EMP2: variants seen among roughly 807,000 people sequenced by gnomAD.
EMP2 encodes epithelial membrane protein 2.
A neutral mutation model predicts 13.7 loss-of-function variants in EMP2; 19 were observed. The ratio of observed to expected loss-of-function variants is 1.38; its 90% confidence interval spans 0.97 to 2.03. The LOEUF (loss-of-function observed/expected upper bound fraction) is 2.03. EMP2 is among the 30% of genes most tolerant of loss of function. The pLI, the probability that EMP2 is intolerant of heterozygous loss-of-function variation, is 0.00. For missense variants in EMP2, 253 were observed against 220.7 expected (o/e 1.15, Z -0.93); for synonymous variants, 97 against 84.7 (o/e 1.15, Z -0.80).
chr16:10,567,040 A>C (rs2050911105), intron 1 of EMP2, among the ~76,000 whole-genome samples: 1 of 152,210 alleles, frequency 6.6e-6, no homozygotes, highest in Non-Finnish European at 1.5e-5. Flanking sequence ...CTCCTAAGTC[A>C]GCAGAGAAGC....
intron 1 of EMP2, among the ~76,000 whole-genome samples, chr16:10,574,469 T>G (rs748184685): frequency 1.2e-4 from 19 of 152,014 alleles, no homozygotes; most frequent in Admixed American, 9.8e-4. Flanking sequence ...TCTCCCTCCC[T>G]TCATACACTC....
At chr16:10,577,844 C>G (rs1376653941) in intron 1 of EMP2, among the ~76,000 whole-genome samples, 1 of 152,020 alleles carries the variant, frequency 6.6e-6, no homozygotes, top group Admixed American at 6.6e-5. Flanking sequence ...CTCTGGAACT[C>G]CCGTGGCTGG....
chr16:10,544,846 C>T lies in EMP2; in HGVS notation c.79-1186G>A, dbSNP rs148470717. Reference sequence around the variant, plus strand: ...GCTGCAGTGAGCCATGATCGCAACACTACACTCCAGCCTGGGTGACAGAGA... The same window carrying T: ...GCTGCAGTGAGCCATGATCGCAACATTACACTCCAGCCTGGGTGACAGAGA... On this transcript the variant is annotated intron_variant, in intron 2 of 4. Coordinates refer to ENST00000359543, the MANE Select transcript of EMP2 (RefSeq NM_001424.6). 797 of 152,364 alleles carry T rather than the reference C, an allele frequency of 5.2e-3. 7 individuals are homozygous for T. The highest frequency in any genetic ancestry group is 0.017 in the African/African-American group (724 of 41,526). The allele number at this position is 152,364 out of a possible 1,614,324, so 9.4% of individuals were successfully genotyped here.
At chr16:10,545,622 G>T in intron 2 of EMP2, 1 of 160,106 alleles carries the variant, frequency 6.2e-6, no homozygotes, top group Admixed American at 6.5e-5. Flanking sequence ...ACCCCCAGAT[G>T]GGACCGTCTA....
Position 10,532,970 on chromosome 16 carries a change from A to G in EMP2, c.439T>C (p.Trp147Arg). 1 of 1,610,512 alleles carries G rather than the reference A, an allele frequency of 6.2e-7. No homozygotes were observed. Among genetic ancestry groups the G allele is most frequent in the Admixed American group, 1.7e-5 (1 of 59,594 alleles). ...ATGAAGGTGCAGGCGAAGGCCACCC[A>G]CGCCAGGATGTAGGAGTAGCCGTAG... ...GSYGYSYILA[W>R]VAFACTFISG... Residue 147 changes from tryptophan (W) to arginine (R), a missense_variant, in exon 5 of 5, where the codon TGG (tryptophan) becomes CGG (arginine). Coordinates refer to ENST00000359543, the MANE Select transcript of EMP2 (RefSeq NM_001424.6).
At chr16:10,557,231 C>G (rs750158160) in intron 1 of EMP2, among the ~76,000 whole-genome samples, 1 of 151,888 alleles carries the variant, frequency 6.6e-6, no homozygotes, top group Non-Finnish European at 1.5e-5. Context: ...GTGGCAGATG[C>G]CTATCGTCCC....
At chr16:10,572,526 G>T (rs977323804) in intron 1 of EMP2, among the ~76,000 whole-genome samples, 2 of 152,028 alleles carry the variant, frequency 1.3e-5, no homozygotes, top group Admixed American at 6.5e-5. Context: ...TCCATTACAG[G>T]GGCCGAGTCC....
Position 10,543,555 on chromosome 16 carries a change from T to A in EMP2, c.169+15A>T, listed in dbSNP as rs2050717082. ...CCTCAGTGCTTCTCAGTCAGCTTCC[T>A]TCATTCACACTTACCTTGAAAGCTG... On this transcript the variant is annotated intron_variant, in intron 3 of 4. Coordinates refer to ENST00000359543, the MANE Select transcript of EMP2 (RefSeq NM_001424.6). 1 of 1,613,702 alleles carries A rather than the reference T, an allele frequency of 6.2e-7. No individual in the cohort carries two copies. Among genetic ancestry groups the A allele is most frequent in the African/African-American group, 1.3e-5 (1 of 74,940 alleles).
chr16:10,541,091 C>T (rs911047077), intron 3 of EMP2, among the ~76,000 whole-genome samples: 21 of 139,524 alleles, frequency 1.5e-4, no homozygotes, highest in African/African-American at 5.1e-4. Flanking sequence ...CTGATTCAAA[C>T]GGAAAAAAAA....
In EMP2 at chr16:10,537,810, G is replaced by A. The variant is rs1021197195; in HGVS notation, c.316+118C>T. 2.4e-5 allele frequency: 32 copies of A among 1,349,716 alleles called. No homozygotes were observed. The Admixed American group carries it at 4.3e-4, about 18-fold the overall frequency. 83.6% of individuals were successfully genotyped at this position (1,349,716 alleles called of 1,614,324 possible). On this transcript the variant is annotated intron_variant, in intron 4 of 4. Coordinates refer to ENST00000359543, the MANE Select transcript of EMP2 (RefSeq NM_001424.6). ...AACACACACCGGCACACAGCACCGC[G>A]CGGCTGCCAATTTCTCCTTTCCAAA...
At chr16:10,549,191 A>C (rs992705446) in intron 1 of EMP2, among the ~76,000 whole-genome samples, 9 of 152,230 alleles carry the variant, frequency 5.9e-5, no homozygotes, top group Non-Finnish European at 1.3e-4. Context: ...GTAATGCTTT[A>C]CTTTGGCAGG....
At chr16:10,562,390 C>A (rs12325152) in intron 1 of EMP2, among the ~76,000 whole-genome samples, 75 of 148,238 alleles carry the variant, frequency 5.1e-4, no homozygotes, top group African/African-American at 8.3e-4. Flanking sequence ...CTATCTATCT[C>A]TCTCTCTCTA....
chr16:10,543,486 G>A (rs2050716302), intron 3 of EMP2, 84 bp downstream of exon 3: 13 of 1,457,212 alleles, frequency 8.9e-6, no homozygotes, highest in South Asian at 5.7e-5. Context: ...GAGAGGGTAC[G>A]GAGTCGGGGA....
chr16:10,563,301 C>T (rs779607891), intron 1 of EMP2, among the ~76,000 whole-genome samples: 1 of 152,196 alleles, frequency 6.6e-6, no homozygotes, highest in Non-Finnish European at 1.5e-5. Context: ...AAGTGATTCT[C>T]CTGCCTCAGT....
chr16:10,538,661 GAA>G (rs2050669752), intron 3 of EMP2, among the ~76,000 whole-genome samples: 1 of 152,160 alleles, frequency 6.6e-6, no homozygotes, highest in African/African-American at 2.4e-5. Context: ...TCAGTACAGA[GAA>G]GTTTCAGTGG....
chr16:10,556,891 C>G (rs1466151570), intron 1 of EMP2, among the ~76,000 whole-genome samples: 1 of 152,176 alleles, frequency 6.6e-6, no homozygotes, highest in African/African-American at 2.4e-5. Flanking sequence ...GAAAACCATG[C>G]AGCAACCTAA....
intron 1 of EMP2, among the ~76,000 whole-genome samples, chr16:10,565,296 T>C (rs952892828): frequency 8.5e-5 from 13 of 152,220 alleles, no homozygotes; most frequent in Non-Finnish European, 1.8e-4. Flanking sequence ...TGCTTTGGGA[T>C]GAGATTCACA....
intron 1 of EMP2, among the ~76,000 whole-genome samples, chr16:10,575,999 C>T (rs985619670): frequency 6.6e-6 from 1 of 152,008 alleles, no homozygotes; most frequent in Non-Finnish European, 1.5e-5. Flanking sequence ...AGCCATCTCC[C>T]CAAAAGCAGG....
intron 1 of EMP2, among the ~76,000 whole-genome samples, chr16:10,577,308 A>G (rs1246468368): frequency 2.6e-5 from 4 of 152,148 alleles, no homozygotes; most frequent in African/African-American, 4.8e-5. Flanking sequence ...GGAGCCGTGC[A>G]GGACAGGTGC....
Sources: gnomAD v4.1 joint callset for allele counts (sites outside exome capture counted in the v4.1 genomes callset) on GRCh38, gnomAD v4.1.1 for gene constraint, MANE v1.5 for transcripts, NCBI Gene and HGNC (gene_info 2026-07-23, HGNC 2026-07-21) for gene names.